The following ANKRD6 variants were observed in gnomAD, a reference collection of about 807,000 sequenced individuals.
ANKRD6 encodes ankyrin repeat domain-containing protein 6.
ANKRD6 carries 56 observed loss-of-function variants against 82.3 expected under a neutral mutation model. That is an observed-to-expected ratio of 0.68 (90% confidence interval 0.55 to 0.85). ANKRD6 has a LOEUF of 0.85. ANKRD6 is among the 40% of genes least tolerant of loss of function. The pLI is 0.00. For synonymous variants in ANKRD6, 347 were observed against 352.1 expected (o/e 0.99, Z 0.16); for missense variants, 852 against 907.6 (o/e 0.94, Z 0.79).
At chr6:89,451,451 T>G (rs1239090468) in intron 1 of ANKRD6, among the ~76,000 whole-genome samples, 2 of 152,236 alleles carry the variant, frequency 1.3e-5, no homozygotes, top group Non-Finnish European at 2.9e-5. Context: ...ATGGTAGCTC[T>G]GTATCATTTC....
At chr6:89,590,596 G>A (rs143093798) in intron 2 of ANKRD6, among the ~76,000 whole-genome samples, 29 of 152,270 alleles carry the variant, frequency 1.9e-4, no homozygotes, top group African/African-American at 6.7e-4. Flanking sequence ...GCTGGGCTAA[G>A]GTAAAACACC....
chr6:89,452,491 G>C (rs960189783), intron 1 of ANKRD6, among the ~76,000 whole-genome samples: 1 of 152,184 alleles, frequency 6.6e-6, no homozygotes, highest in African/African-American at 2.4e-5. Context: ...CAGCAGAGCT[G>C]CCTGAGCCCC....
At chr6:89,614,128 T>G (rs866228071) in intron 7 of ANKRD6, among the ~76,000 whole-genome samples, 5 of 152,320 alleles carry the variant, frequency 3.3e-5, no homozygotes, top group African/African-American at 4.8e-5. Context: ...CATTTGCATA[T>G]TGAACATTTT....
intron 1 of ANKRD6, among the ~76,000 whole-genome samples, chr6:89,488,290 C>T (rs1199450804): frequency 6.6e-6 from 1 of 152,212 alleles, no homozygotes; most frequent in Non-Finnish European, 1.5e-5. Context: ...ATTTAATACA[C>T]ATGACATAAT....
At chr6:89,603,600 G>A (rs373010548) in intron 4 of ANKRD6, among the ~76,000 whole-genome samples, 7 of 152,322 alleles carry the variant, frequency 4.6e-5, no homozygotes, top group African/African-American at 1.4e-4. Context: ...CCTGGGTCGG[G>A]GGGGTAAGGG....
intron 1 of ANKRD6, among the ~76,000 whole-genome samples, chr6:89,469,635 C>T (rs538683123): frequency 4.4e-4 from 67 of 152,312 alleles, no homozygotes; most frequent in African/African-American, 1.4e-3. Context: ...AAAGCTGAGA[C>T]GACACCTGTC....
rs1201892448 is a variant in ANKRD6, at chr6:89,606,005, A to C, written c.319-2A>C. On this transcript the variant is annotated splice_acceptor_variant, in intron 4 of 15. Coordinates refer to ENST00000339746, the MANE Select transcript of ANKRD6 (RefSeq NM_001242809.2). LOFTEE classifies it high-confidence loss of function. Reference sequence around the variant, plus strand: ...CCTTTCCCACCTGTGTGTCTTCCTTAGGATGGGAATACAGCCTTGCATGAA... The same window carrying C: ...CCTTTCCCACCTGTGTGTCTTCCTTCGGATGGGAATACAGCCTTGCATGAA... The C allele has an allele frequency of 6.3e-7, 1 of 1,576,740 alleles. No homozygotes were observed. The highest frequency in any genetic ancestry group is 8.6e-7 in the Non-Finnish European group (1 of 1,156,676).
intron 1 of ANKRD6, among the ~76,000 whole-genome samples, chr6:89,491,664 G>A (rs1208808831): frequency 6.6e-6 from 1 of 152,018 alleles, no homozygotes; most frequent in Non-Finnish European, 1.5e-5. Context: ...GGGAGGGAAA[G>A]CATTAAGAGA....
rs75664472 is a variant in ANKRD6, at chr6:89,581,257, A to G, written c.120+14161A>G. Among the ~76,000 whole-genome samples, 131 of 152,340 alleles carry G rather than the reference A, an allele frequency of 8.6e-4. 1 individual carries two copies. In the South Asian group the frequency reaches 0.011, roughly 13 times the overall value. On this transcript the variant is annotated intron_variant, in intron 2 of 15. Transcript: ENST00000339746. ...CTCCTGCCCTTACAAAGCATGCTGCAGTGACTCTGTTTGGAGGTCTTATTG... is the reference window on the plus strand; with the variant it reads ...CTCCTGCCCTTACAAAGCATGCTGCGGTGACTCTGTTTGGAGGTCTTATTG...
chr6:89,588,627 C>T (rs1479368269), intron 2 of ANKRD6, among the ~76,000 whole-genome samples: 1 of 152,060 alleles, frequency 6.6e-6, no homozygotes, highest in Non-Finnish European at 1.5e-5. Flanking sequence ...CTTTATACAA[C>T]CTTTCCCTAC....
intron 3 of ANKRD6, among the ~76,000 whole-genome samples, chr6:89,600,066 C>T (rs546857338): frequency 5.9e-5 from 9 of 152,108 alleles, no homozygotes; most frequent in Admixed American, 1.3e-4. Context: ...GTGTTCTCGC[C>T]GCAACCTCAC....
chr6:89,621,810 C>A, intron 9 of ANKRD6, 112 bp from the exon 10 acceptor site: 1 of 1,037,012 alleles, frequency 9.6e-7, no homozygotes, highest in Non-Finnish European at 1.5e-6. Context: ...CACCTGCTCT[C>A]ACCCTCTAAG....
chr6:89,523,270 A>G (rs1470379454), intron 1 of ANKRD6, among the ~76,000 whole-genome samples: 1 of 152,198 alleles, frequency 6.6e-6, no homozygotes, highest in Non-Finnish European at 1.5e-5. Context: ...TGCATTGGTA[A>G]GTGGCTACCT....
intron 1 of ANKRD6, among the ~76,000 whole-genome samples, chr6:89,531,558 G>A (rs189806081): frequency 1.2e-4 from 19 of 152,340 alleles, no homozygotes; most frequent in Admixed American, 5.9e-4. Flanking sequence ...TCCTGGCTCC[G>A]TCATTGCCCC....
intron 1 of ANKRD6, among the ~76,000 whole-genome samples, chr6:89,461,161 G>T (rs1483273028): frequency 6.6e-6 from 1 of 152,126 alleles, no homozygotes; most frequent in Admixed American, 6.6e-5. Flanking sequence ...TGAACCGTCA[G>T]TCTCTGCCTC....
chr6:89,588,162 A>G (rs1794146242), intron 2 of ANKRD6, among the ~76,000 whole-genome samples: 2 of 70,584 alleles, frequency 2.8e-5, no homozygotes. Flanking sequence ...ACGAGGAGCC[A>G]GGTGGCCAGA....
intron 5 of ANKRD6, among the ~76,000 whole-genome samples, chr6:89,606,572 T>G (rs909685562): frequency 6.6e-6 from 1 of 152,128 alleles, no homozygotes; most frequent in Non-Finnish European, 1.5e-5. Flanking sequence ...TGGTCCTTTT[T>G]TGGCCTGGCA....
At chr6:89,476,310 C>T (rs780872361) in intron 1 of ANKRD6, among the ~76,000 whole-genome samples, 8 of 151,994 alleles carry the variant, frequency 5.3e-5, no homozygotes, top group Non-Finnish European at 8.8e-5. Flanking sequence ...CTCAGCCTCC[C>T]GAGTAGCTGG....
At position 89,560,234 on chromosome 6, in the gene ANKRD6, G is replaced by A. The variant is rs547452197; in HGVS notation, c.-143-6600G>A. Among the ~76,000 whole-genome samples the A allele has an allele frequency of 2.0e-5, 3 of 152,324 alleles. No individual in the cohort carries two copies. The South Asian group carries it at 6.2e-4, about 32-fold the overall frequency. ...TATTTTCTTCCAGTTCTACTTTCCA[G>A]TTCTTCTGGCTAGAAGTCCCAGATC... is the stretch of plus-strand genomic sequence containing the variant. On this transcript the variant is annotated intron_variant, in intron 1 of 15. Coordinates refer to ENST00000339746, the MANE Select transcript of ANKRD6 (RefSeq NM_001242809.2).
Sources: allele counts gnomAD v4.1 joint callset (sites outside exome capture counted in the v4.1 genomes callset), GRCh38; gene constraint gnomAD v4.1.1; transcripts MANE v1.5; gene names NCBI Gene and HGNC (gene_info 2026-07-23, HGNC 2026-07-21).